The following HIVEP2 variants were observed in gnomAD, a reference collection of about 807,000 sequenced individuals.
HIVEP2 encodes the protein transcription factor HIVEP2.
Under a neutral mutation model 180.7 loss-of-function variants are expected in HIVEP2, and 14 were observed. That is an observed-to-expected ratio of 0.08 (90% CI 0.05 to 0.12). The LOEUF (loss-of-function observed/expected upper bound fraction) is 0.12, where lower values mean the gene tolerates loss of function less well. HIVEP2 is among the 10% of genes least tolerant of loss of function. The probability of loss-of-function intolerance (pLI) is 1.00; values close to 1 mark genes in which losing one functional copy is unlikely to be tolerated. For synonymous variants in HIVEP2, 1,184 were observed against 1,136.4 expected (o/e 1.04, Z -0.84); for missense variants, 2,579 against 3,008.5 (o/e 0.86, Z 3.34).
At position 142,774,794 on chromosome 6, in the gene HIVEP2, A is replaced by T. The variant is rs781515780; in HGVS notation, c.-56T>A. 6.4e-6 allele frequency: 10 copies of T among 1,570,706 alleles called. No individual in the cohort carries two copies. The Admixed American group carries it at 1.1e-4, about 17-fold the overall frequency. ...CCCTGAAAGCAGTGCAGACTCATGG[A>T]GTGTCTCCAAAGCTGTGCTTCTTAA... is the stretch of plus-strand genomic sequence containing the variant. On this transcript the variant is annotated 5_prime_UTR_variant, in exon 5 of 10. Transcript: ENST00000367603. This position sits in a 1 kb window ranked among gnomAD's most constrained non-coding sequence, Gnocchi z 5.1.
chr6:142,875,851 G>A (rs1776421445), intron 1 of HIVEP2, among the ~76,000 whole-genome samples: 2 of 152,106 alleles, frequency 1.3e-5, no homozygotes, highest in African/African-American at 4.8e-5. Flanking sequence ...CCAAGTGCAT[G>A]GATTTAGGAG....
chr6:142,933,644 T>C (rs1472971866), intron 1 of HIVEP2, among the ~76,000 whole-genome samples: 1 of 152,214 alleles, frequency 6.6e-6, no homozygotes, highest in Non-Finnish European at 1.5e-5. Context: ...GGTTTCACAT[T>C]AGCAAACTCC....
intron 1 of HIVEP2, among the ~76,000 whole-genome samples, chr6:142,875,125 A>G (rs917384754): frequency 3.3e-5 from 5 of 152,174 alleles, no homozygotes; most frequent in Non-Finnish European, 7.4e-5. Flanking sequence ...GGATTAAGGA[A>G]ACTGCTCAAA....
Position 142,771,944 on chromosome 6 carries a change from G to A in HIVEP2, c.2795C>T (p.Ala932Val), listed in dbSNP as rs758213268. 8.1e-6 allele frequency: 13 copies of A among 1,614,076 alleles called. No homozygotes were observed. The highest frequency in any genetic ancestry group is 1.3e-5 in the African/African-American group (1 of 74,928). The change falls in exon 5 of 10, where the codon GCG becomes GTG. Residue 932 changes from alanine to valine, a missense_variant. Physicochemically the swap from Ala to Val is moderately conservative, Grantham distance 64. Coordinates refer to ENST00000367603, the MANE Select transcript of HIVEP2 (RefSeq NM_006734.4). The surrounding 1 kb of genome is among the most constrained non-coding windows in gnomAD (Gnocchi z 5.4). ...CTTCTTTTTGGGTGGCAACTTCTCC[G>A]CGGGGAGCTGGGAAAGGGTCTCACT... ...QRSETLSQLP[A>V]EKLPPKKKRL...
chr6:142,847,304 T>C lies in HIVEP2; in HGVS notation c.-640-10257A>G, dbSNP rs528275362. On this transcript the variant is annotated intron_variant, in intron 1 of 9. Transcript: ENST00000367603. ...ATCGTTCTGGCTCTTTCACCAGTCCTAAAGCCATATTACAACCCTTTAAAA... is the reference window on the plus strand; with the variant it reads ...ATCGTTCTGGCTCTTTCACCAGTCCCAAAGCCATATTACAACCCTTTAAAA... Among the ~76,000 whole-genome samples the C allele has an allele frequency of 9.8e-5, 15 of 152,312 alleles. No homozygotes were observed. In the East Asian group the frequency reaches 2.7e-3, roughly 27 times the overall value.
chr6:142,824,029 T>C (rs1337797708), intron 2 of HIVEP2, among the ~76,000 whole-genome samples: 2 of 152,220 alleles, frequency 1.3e-5, no homozygotes, highest in African/African-American at 2.4e-5. Flanking sequence ...TTTATACTTA[T>C]TCTAATTTAC....
chr6:142,772,440 G>C lies in HIVEP2; in HGVS notation c.2299C>G (p.Pro767Ala), dbSNP rs762541763. The change falls in exon 5 of 10, where the codon CCT becomes GCT. Residue 767 changes from proline (P) to alanine (A), a missense_variant. Pro to Ala is a conservative substitution (Grantham distance 27, BLOSUM62 -1). Around this residue, in one of 11 missense-constraint regions of HIVEP2, gnomAD observed 524 missense variants for 563.6 expected, o/e 0.93. Transcript: ENST00000367603. The surrounding 1 kb of genome is among the most constrained non-coding windows in gnomAD (Gnocchi z 4.9). Reference sequence around the variant, plus strand: ...TCTGACACAAGAGATGGACTTCCAGGCTGCAGTTGGGGCCGACATGGGTCA... The same window carrying C: ...TCTGACACAAGAGATGGACTTCCAGCCTGCAGTTGGGGCCGACATGGGTCA... ...RFDPCRPQLQ[P>A]GSPSLVSEES... The C allele has an allele frequency of 6.2e-7, 1 of 1,614,194 alleles. No homozygotes were observed. Among genetic ancestry groups the C allele is most frequent in the South Asian group, 1.1e-5 (1 of 91,080 alleles).
At position 142,774,266 on chromosome 6, in the gene HIVEP2, A is replaced by G; in HGVS notation, c.473T>C (p.Leu158Pro). The change falls in exon 5 of 10, where the codon CTG becomes CCG. Residue 158 changes from leucine (L) to proline (P), a missense_variant. Leu to Pro is a moderately conservative substitution (Grantham distance 98, BLOSUM62 -3). Around this residue, in one of 11 missense-constraint regions of HIVEP2, gnomAD observed 207 missense variants for 210.1 expected, o/e 0.99. Transcript: ENST00000367603. This position sits in a 1 kb window ranked among gnomAD's most constrained non-coding sequence, Gnocchi z 5.1. Reference sequence around the variant, plus strand: ...GGAGTATTGGCTATAAGCAGGGTTCAGACTTGAAATCTTTTTTCTAGGATA... The same window carrying G: ...GGAGTATTGGCTATAAGCAGGGTTCGGACTTGAAATCTTTTTTCTAGGATA... ...GGYPRKKISS[L>P]NPAYSQYSQK... is the part of the protein sequence containing the mutation. 1.2e-6 allele frequency: 2 copies of G among 1,614,172 alleles called. No individual in the cohort carries two copies. The highest frequency in any genetic ancestry group is 8.5e-7 in the Non-Finnish European group (1 of 1,180,046).
At chr6:142,834,977 T>A (rs17072044) in intron 2 of HIVEP2, among the ~76,000 whole-genome samples, 2,833 of 86,310 alleles carry the variant, frequency 0.033, 97 homozygotes, top group African/African-American at 0.08. Context: ...CCAAAAGAAG[T>A]ATTTGATTTA....
intron 2 of HIVEP2, among the ~76,000 whole-genome samples, chr6:142,813,785 T>C (rs1776759661): frequency 6.6e-6 from 1 of 151,974 alleles, no homozygotes; most frequent in Admixed American, 6.6e-5. Flanking sequence ...CGGGCTGGTC[T>C]CGACTCCTGG....
intron 3 of HIVEP2, among the ~76,000 whole-genome samples, chr6:142,781,041 T>C (rs1281295380): frequency 6.6e-6 from 1 of 152,228 alleles, no homozygotes; most frequent in Non-Finnish European, 1.5e-5. Context: ...CTTCATAACA[T>C]TATTACAAGT....
At chr6:142,830,127 G>T (rs1291815887) in intron 2 of HIVEP2, among the ~76,000 whole-genome samples, 1 of 152,018 alleles carries the variant, frequency 6.6e-6, no homozygotes, top group Non-Finnish European at 1.5e-5. Flanking sequence ...AGAAACTAAG[G>T]TTTTCTGTTG....
chr6:142,913,023 G>A (rs1777453799), intron 1 of HIVEP2, among the ~76,000 whole-genome samples: 1 of 152,162 alleles, frequency 6.6e-6, no homozygotes, highest in Non-Finnish European at 1.5e-5. Flanking sequence ...TGTATTGGAG[G>A]TATTGTTATC....
intron 1 of HIVEP2, among the ~76,000 whole-genome samples, chr6:142,837,658 TATAA>T (rs1315557905): frequency 1.3e-5 from 2 of 152,132 alleles, no homozygotes; most frequent in African/African-American, 4.8e-5. Context: ...AATTATTATT[TATAA>T]ATAATATTGG....
intron 2 of HIVEP2, among the ~76,000 whole-genome samples, chr6:142,811,874 C>T (rs1375520376): frequency 1.3e-5 from 2 of 152,108 alleles, no homozygotes; most frequent in East Asian, 3.9e-4. Context: ...TAGCTGAAGC[C>T]AGATTTACCC....
chr6:142,813,427 A>G (rs1359844725), intron 2 of HIVEP2, among the ~76,000 whole-genome samples: 1 of 152,192 alleles, frequency 6.6e-6, no homozygotes, highest in African/African-American at 2.4e-5. Flanking sequence ...ATTAACATAT[A>G]TACATGGATG....
At position 142,771,750 on chromosome 6, in the gene HIVEP2, G is replaced by T; in HGVS notation, c.2989C>A (p.Gln997Lys). 6.2e-7 allele frequency: 1 copy of T among 1,614,176 alleles called. No individual in the cohort carries two copies. The highest frequency in any genetic ancestry group is 8.5e-7 in the Non-Finnish European group (1 of 1,180,030). Reference sequence around the variant, plus strand: ...TCTGAATGCTTCCCAAACTCATCCTGCTTAGGAAGTGCAGAAAGCTTACTG... The same window carrying T: ...TCTGAATGCTTCCCAAACTCATCCTTCTTAGGAAGTGCAGAAAGCTTACTG... ...ETSKLSALPK[Q>K]DEFGKHSEFL... is the part of the protein sequence containing the mutation. Residue 997 changes from glutamine to lysine, a missense_variant, in exon 5 of 10, where the codon CAG becomes AAG. Around this residue, in one of 11 missense-constraint regions of HIVEP2, gnomAD observed 523 missense variants for 577.0 expected, o/e 0.91. Transcript: ENST00000367603. This position sits in a 1 kb window ranked among gnomAD's most constrained non-coding sequence, Gnocchi z 5.4.
chr6:142,825,096 T>C (rs1774845805), intron 2 of HIVEP2, among the ~76,000 whole-genome samples: 1 of 152,166 alleles, frequency 6.6e-6, no homozygotes. Flanking sequence ...CAATGAACAT[T>C]TTCCATGGAG....
chr6:142,777,757 G>GTTTAATTT (rs1775742424), intron 3 of HIVEP2, among the ~76,000 whole-genome samples: 1 of 148,590 alleles, frequency 6.7e-6, no homozygotes, highest in Admixed American at 6.8e-5. Context: ...CTTTCAGTAA[G>GTTTAATTT]TTTAATTTTT....
Sources: allele counts gnomAD v4.1 joint callset (sites outside exome capture counted in the v4.1 genomes callset), GRCh38; gene constraint gnomAD v4.1.1; regional missense constraint gnomAD v4.1.1; non-coding constraint Gnocchi (gnomAD v3.1); transcripts MANE v1.5; gene names NCBI Gene and HGNC (gene_info 2026-07-23, HGNC 2026-07-21).